CLDN10: variants seen among roughly 807,000 people sequenced by gnomAD.
CLDN10 encodes the protein claudin-10.
CLDN10 carries 15 observed loss-of-function variants against 22.9 expected under a neutral mutation model. That is an observed-to-expected ratio of 0.65 (90% CI 0.44 to 1.01). The LOEUF is 1.01. Among genes scored for constraint, CLDN10 ranks in the 50% least tolerant of loss-of-function variants. CLDN10 has a pLI of 0.00. For missense variants in CLDN10, 247 were observed against 287.8 expected (o/e 0.86, Z 1.03); for synonymous variants, 114 against 111.4 (o/e 1.02, Z -0.15).
In CLDN10 at chr13:95,433,934, C is replaced by T. The variant is rs760145374; in HGVS notation, c.101C>T (p.Ala34Val). The T allele has an allele frequency of 4.0e-5, 64 of 1,614,080 alleles. No homozygotes were observed. In the Admixed American group the frequency reaches 1.1e-3, roughly 27 times the overall value. ...AATGAGTGGAAAGTGACCACGCGAGCCTCCTCGGTGATAACAGCCACTTGG... is the reference window on the plus strand; with the variant it reads ...AATGAGTGGAAAGTGACCACGCGAGTCTCCTCGGTGATAACAGCCACTTGG... Residue 34 changes from alanine to valine, a missense_variant, in exon 1 of 5, where the codon GCC becomes GTC. Coordinates refer to the CLDN10 transcript ENST00000376873.
intron 1 of CLDN10, among the ~76,000 whole-genome samples, chr13:95,511,039 T>C (rs1291907436): frequency 2.0e-5 from 3 of 152,178 alleles, no homozygotes; most frequent in Non-Finnish European, 2.9e-5. Context: ...GAATATGATG[T>C]ATTTGTCAGG....
intron 1 of CLDN10, among the ~76,000 whole-genome samples, chr13:95,495,415 T>G (rs1014624200): frequency 1.3e-5 from 2 of 151,892 alleles, no homozygotes; most frequent in Non-Finnish European, 2.9e-5. Flanking sequence ...CAACTGAGCC[T>G]TTTATTTGAG....
intron 1 of CLDN10, among the ~76,000 whole-genome samples, chr13:95,505,850 G>C (rs751288048): frequency 1.7e-4 from 25 of 148,262 alleles, no homozygotes; most frequent in Non-Finnish European, 5.9e-5. Flanking sequence ...TGCCTCCCAG[G>C]TTCCAGTGAT....
intron 1 of CLDN10, among the ~76,000 whole-genome samples, chr13:95,503,293 G>A (rs1417258194): frequency 6.6e-6 from 1 of 152,180 alleles, no homozygotes; most frequent in African/African-American, 2.4e-5. Context: ...AAAAACATTA[G>A]AGGGTCAAAC....
chr13:95,550,377 C>T (rs565266647), upstream of CLDN10, among the ~76,000 whole-genome samples: 1 of 152,238 alleles, frequency 6.6e-6, no homozygotes, highest in East Asian at 1.9e-4. Context: ...TTAGGAAGTG[C>T]TTGAGTCTTA....
At chr13:95,481,757 C>T (rs1035708398) in intron 1 of CLDN10, among the ~76,000 whole-genome samples, 7 of 152,206 alleles carry the variant, frequency 4.6e-5, no homozygotes, top group Admixed American at 1.3e-4. Context: ...CAGTAGCTCA[C>T]GCCTGTAATC....
chr13:95,471,078 TAGCCTCACAGAGGATTAGAAGCCACTCTG>T (rs2042626602), intron 1 of CLDN10, among the ~76,000 whole-genome samples: 1 of 152,058 alleles, frequency 6.6e-6, no homozygotes, highest in East Asian at 1.9e-4. Flanking sequence ...GGTAAAGTCC[TAGCCTCACAGAGGATTAGAAGCCACTCTG>T]AGCCAAATGA....
chr13:95,519,401 C>T (rs2043202815), intron 1 of CLDN10, among the ~76,000 whole-genome samples: 1 of 152,150 alleles, frequency 6.6e-6, no homozygotes, highest in African/African-American at 2.4e-5. Flanking sequence ...TAGGCAGGAA[C>T]ATACAAATCT....
At chr13:95,454,672 G>A (rs1004621874) in intron 1 of CLDN10, among the ~76,000 whole-genome samples, 2 of 152,194 alleles carry the variant, frequency 1.3e-5, no homozygotes, top group African/African-American at 4.8e-5. Flanking sequence ...AGGATGAAGG[G>A]AGGGGTGTGG....
At chr13:95,563,441 C>CCAGG (rs1452745636) in intron 3 of CLDN10, among the ~76,000 whole-genome samples, 3 of 152,126 alleles carry the variant, frequency 2.0e-5, no homozygotes, top group African/African-American at 7.2e-5. Context: ...AGCACAAGAA[C>CCAGG]CAGGGGTCAT....
intron 1 of CLDN10, among the ~76,000 whole-genome samples, chr13:95,523,278 C>T (rs1366509757): frequency 2.6e-5 from 4 of 152,170 alleles, no homozygotes; most frequent in African/African-American, 7.2e-5. Context: ...TTATCACTCT[C>T]ACTCTGAACC....
At chr13:95,552,572 C>T (rs2043578201), upstream of CLDN10, 3 of 344,256 alleles carry the variant, frequency 8.7e-6, no homozygotes, top group South Asian at 2.3e-4. Context: ...TGAGGCCCCT[C>T]AAGGGACAGG....
intron 1 of CLDN10, among the ~76,000 whole-genome samples, chr13:95,445,643 G>A (rs918264678): frequency 2.0e-5 from 3 of 152,210 alleles, no homozygotes; most frequent in Non-Finnish European, 2.9e-5. Flanking sequence ...CTAGTATGGT[G>A]TTTTCCAATA....
chr13:95,514,905 G>T (rs537489725), intron 1 of CLDN10, among the ~76,000 whole-genome samples: 1 of 152,140 alleles, frequency 6.6e-6, no homozygotes, highest in Non-Finnish European at 1.5e-5. Flanking sequence ...ATGATGTCCC[G>T]CAGACTTGCA....
At chr13:95,572,652 T>A (rs1052951365) in intron 3 of CLDN10, among the ~76,000 whole-genome samples, 32 of 152,348 alleles carry the variant, frequency 2.1e-4, no homozygotes, top group African/African-American at 7.0e-4. Flanking sequence ...ACCACGGTAA[T>A]GTTTACTTTG....
intron 1 of CLDN10, among the ~76,000 whole-genome samples, chr13:95,441,224 A>T (rs1049097571): frequency 6.6e-6 from 1 of 152,182 alleles, no homozygotes; most frequent in African/African-American, 2.4e-5. Context: ...AGTGTTTAGA[A>T]CAAGTAAAAG....
At chr13:95,565,856 A>G (rs539163856) in intron 3 of CLDN10, among the ~76,000 whole-genome samples, 2 of 141,318 alleles carry the variant, frequency 1.4e-5, no homozygotes, top group African/African-American at 5.4e-5. Context: ...GTTCCCACCT[A>G]TGAGTGAGAA....
intron 1 of CLDN10, among the ~76,000 whole-genome samples, chr13:95,518,968 G>C (rs906582341): frequency 2.6e-5 from 4 of 152,052 alleles, no homozygotes; most frequent in Non-Finnish European, 5.9e-5. Flanking sequence ...TTAAATAACT[G>C]AATCAATTGT....
chr13:95,542,933 G>A (rs553657488), intron 1 of CLDN10, among the ~76,000 whole-genome samples: 1 of 152,168 alleles, frequency 6.6e-6, no homozygotes, highest in African/African-American at 2.4e-5. Flanking sequence ...ATATGGAGAT[G>A]TAAAATCCAC....
Sources: gnomAD v4.1 joint callset for allele counts (sites outside exome capture counted in the v4.1 genomes callset) on GRCh38, gnomAD v4.1.1 for gene constraint, MANE v1.5 for transcripts, NCBI Gene and HGNC (gene_info 2026-07-23, HGNC 2026-07-21) for gene names.